CYFIP1: variants seen among roughly 807,000 people sequenced by gnomAD.
The protein encoded by CYFIP1 is cytoplasmic FMR1-interacting protein 1.
In CYFIP1, 58 loss-of-function variants were observed where a neutral mutation model predicts 163.5. That is an observed-to-expected ratio of 0.35 (90% CI 0.29 to 0.44). The LOEUF (loss-of-function observed/expected upper bound fraction) is 0.44, where lower values mean the gene tolerates loss of function less well. Ranked by LOEUF, CYFIP1 falls within the 20% of genes least tolerant of loss-of-function variation. The probability of loss-of-function intolerance (pLI) is 1.00; values close to 1 mark genes in which losing one functional copy is unlikely to be tolerated. For synonymous variants in CYFIP1, 663 were observed against 660.7 expected (o/e 1.00, Z -0.05); for missense variants, 1,338 against 1,653.8 (o/e 0.81, Z 3.31).
At chr15:22,932,069 T>C (rs1291037658) in intron 11 of CYFIP1, among the ~76,000 whole-genome samples, 154 bp downstream of exon 11, 3 of 152,234 alleles carry the variant, frequency 2.0e-5, no homozygotes, top group Non-Finnish European at 4.4e-5. Context: ...AACTGCCTAA[T>C]GACACATTTG....
At chr15:22,979,499 G>A (rs2063394010) in intron 1 of CYFIP1, among the ~76,000 whole-genome samples, 1 of 152,266 alleles carries the variant, frequency 6.6e-6, no homozygotes, top group African/African-American at 2.4e-5. Flanking sequence ...ACCACGCGGC[G>A]CTGGGCTCAA....
intron 1 of CYFIP1, 59 bp downstream of exon 1, chr15:22,980,227 GA>G: frequency 6.6e-6 from 1 of 151,416 alleles, no homozygotes; most frequent in South Asian, 2.1e-4. Flanking sequence ...CCCAGGTTCC[GA>G]GGGGGACCCG....
chr15:22,980,102 C>T, intron 1 of CYFIP1, among the ~76,000 whole-genome samples, 185 bp downstream of exon 1: 1 of 121,162 alleles, frequency 8.3e-6, no homozygotes, highest in Non-Finnish European at 1.6e-5. Context: ...GGGGCCGGGA[C>T]CTGGGGGACG....
At chr15:22,928,443 TAAG>T (rs1212375956) in intron 11 of CYFIP1, among the ~76,000 whole-genome samples, 1 of 150,930 alleles carries the variant, frequency 6.6e-6, no homozygotes. Flanking sequence ...AAAAAGAAAA[TAAG>T]AAATGCTGTG....
At chr15:22,892,802 G>C in intron 23 of CYFIP1, 88 bp downstream of exon 23, 1 of 927,282 alleles carries the variant, frequency 1.1e-6, no homozygotes, top group South Asian at 1.4e-5. Flanking sequence ...ATACATTTAG[G>C]TCACTGCAAC....
intron 1 of CYFIP1, among the ~76,000 whole-genome samples, chr15:22,952,421 C>G (rs73428753): frequency 6.6e-6 from 1 of 151,868 alleles, no homozygotes; most frequent in East Asian, 1.9e-4. Context: ...TTCAGGAGGC[C>G]GAGGCGGGCG....
chr15:22,919,570 C>T (rs1182931552), intron 13 of CYFIP1, among the ~76,000 whole-genome samples: 4 of 152,154 alleles, frequency 2.6e-5, no homozygotes, highest in Non-Finnish European at 5.9e-5. Context: ...TGAGGCAGAG[C>T]AAGACACACT....
intron 4 of CYFIP1, 100 bp from the exon 5 acceptor site, chr15:22,944,759 G>A (rs991604055): frequency 7.3e-6 from 11 of 1,513,126 alleles, no homozygotes; most frequent in Admixed American, 1.7e-5. Context: ...TGTGGGGTGA[G>A]AACTGGGAGG....
intron 1 of CYFIP1, among the ~76,000 whole-genome samples, chr15:22,954,122 G>A (rs1281101023): frequency 6.6e-6 from 1 of 152,094 alleles, no homozygotes; most frequent in Non-Finnish European, 1.5e-5. Context: ...AGCTCGTGTG[G>A]ACAGGTACAT....
At chr15:22,898,448 C>CTA (rs529323741) in intron 22 of CYFIP1, among the ~76,000 whole-genome samples, 2 of 151,946 alleles carry the variant, frequency 1.3e-5, no homozygotes, top group Non-Finnish European at 2.9e-5. Context: ...TAATATTTTA[C>CTA]TATATATTCT....
At chr15:22,933,249 G>C (rs1033757950) in intron 10 of CYFIP1, among the ~76,000 whole-genome samples, 2 of 152,120 alleles carry the variant, frequency 1.3e-5, no homozygotes, top group Non-Finnish European at 2.9e-5. Flanking sequence ...CAACACAGTA[G>C]CCACTAACTA....
intron 25 of CYFIP1, among the ~76,000 whole-genome samples, chr15:22,880,437 G>C (rs1375748644): frequency 3.4e-4 from 52 of 152,214 alleles, no homozygotes; most frequent in Admixed American, 3.4e-3. Flanking sequence ...ATCTGAGAAA[G>C]GGCATCTAGG....
intron 18 of CYFIP1, 41 bp from the exon 19 acceptor site, chr15:22,910,854 A>G (rs758983718): frequency 6.6e-6 from 10 of 1,519,150 alleles, no homozygotes; most frequent in Non-Finnish European, 8.2e-6. Flanking sequence ...TGATTCCCTA[A>G]AGCAAGATCA....
In CYFIP1 at chr15:22,912,197, G is replaced by A. The variant is rs765744761; in HGVS notation, c.2064C>T (p.Tyr688=). ...GCCTCACCTCGGCCTCAATTTCGTC[G>A]TACAGGAACTGCTTGTTGAACCTGG... The part of the protein sequence containing the change: ...ALTRFNKQFL[Y]DEIEAEVNLC... The change falls in exon 18 of 31, where the codon TAC becomes TAT. Residue 688 remains tyrosine, a synonymous_variant. Transcript: ENST00000617928. 305 of 1,614,018 alleles carry A rather than the reference G, an allele frequency of 1.9e-4. 1 individual carries two copies. Among genetic ancestry groups the A allele is most frequent in the South Asian group, 4.7e-4 (43 of 91,054 alleles).
intron 30 of CYFIP1, 50 bp downstream of exon 30, chr15:22,872,775 T>A (rs755904847): frequency 6.3e-7 from 1 of 1,577,344 alleles, no homozygotes. Flanking sequence ...ACAAAGAAAG[T>A]ATGCTTTTGC....
At chr15:22,916,785 C>T (rs377212782) in intron 15 of CYFIP1, 155 bp from the exon 16 acceptor site, 25 of 1,589,016 alleles carry the variant, frequency 1.6e-5, no homozygotes, top group South Asian at 7.9e-5. Context: ...TGCCTGTCTA[C>T]GCGGCCACGT....
At chr15:22,873,110 A>G in intron 29 of CYFIP1, 138 bp from the exon 30 acceptor site, 2 of 974,354 alleles carry the variant, frequency 2.1e-6, no homozygotes, top group South Asian at 1.8e-5. Flanking sequence ...ACAGCCAGGA[A>G]GAGAATGCCG....
At chr15:22,928,610 G>A (rs994693618) in intron 11 of CYFIP1, among the ~76,000 whole-genome samples, 8 of 152,104 alleles carry the variant, frequency 5.3e-5, no homozygotes, top group South Asian at 4.1e-4. Context: ...CCACTAGGCC[G>A]GGGAAGGGCA....
At chr15:22,877,211 C>T (rs1237961802) in intron 26 of CYFIP1, among the ~76,000 whole-genome samples, 2 of 152,154 alleles carry the variant, frequency 1.3e-5, no homozygotes, top group Non-Finnish European at 2.9e-5. Flanking sequence ...TAAGCTCCTG[C>T]GAGAGCAGGT....
Sources: allele counts gnomAD v4.1 joint callset (sites outside exome capture counted in the v4.1 genomes callset), GRCh38; gene constraint gnomAD v4.1.1; transcripts MANE v1.5; gene names NCBI Gene and HGNC (gene_info 2026-07-23, HGNC 2026-07-21).